Variants in CLIP1 observed in about 807,000 individuals in gnomAD.
The protein encoded by CLIP1 is CAP-Gly domain containing linker protein 1.
Under a neutral mutation model 161.6 loss-of-function variants are expected in CLIP1, and 66 were observed. The observed-to-expected ratio is 0.41, with a 90% CI of 0.33 to 0.50. The LOEUF (loss-of-function observed/expected upper bound fraction) is 0.50. Among genes scored for constraint, CLIP1 ranks in the 20% least tolerant of loss-of-function variants. The pLI, the probability that CLIP1 is intolerant of heterozygous loss-of-function variation, is 0.27. For missense variants in CLIP1, 1,376 were observed against 1,702.0 expected, an observed-to-expected ratio of 0.81 and a Z score of 3.37; for synonymous variants, 598 against 626.2, an observed-to-expected ratio of 0.96 and a Z score of 0.67.
Position 122,408,974 on chromosome 12 carries a change from G to A in CLIP1, c.-107+13547C>T, listed in dbSNP as rs1593265885. Among the ~76,000 whole-genome samples, 3 of 152,056 alleles carry A rather than the reference G, an allele frequency of 2.0e-5. No individual in the cohort carries two copies. The South Asian group carries it at 6.2e-4, about 32-fold the overall frequency. ...TTACAGGTCTGCACAACCATGCCCG[G>A]CTAATCTTTATATTTTTGTAGAGAC... On this transcript the variant is annotated intron_variant, in intron 1 of 25. Coordinates refer to ENST00000620786, the MANE Select transcript of CLIP1 (RefSeq NM_001247997.2).
rs766738091 is a variant in CLIP1 at position 122,309,746 on chromosome 12, G to A, written c.3594+16C>T. 3.7e-6 allele frequency: 6 copies of A among 1,611,594 alleles called. No homozygotes were observed. The highest frequency in any genetic ancestry group is 2.2e-5 in the South Asian group (2 of 90,964). ...CAGCATGGCACAGCTGGAACCCCTC[G>A]CCAAAGGACACTGACCTTTTGATGA... On this transcript the variant is annotated intron_variant, in intron 20 of 25. Transcript: ENST00000620786.
intron 19 of CLIP1, among the ~76,000 whole-genome samples, chr12:122,310,834 T>TC (rs1397218459): frequency 6.6e-6 from 1 of 152,188 alleles, no homozygotes. Flanking sequence ...CATGAACACA[T>TC]CTATTTTTAA....
rs1468049945 is a variant in CLIP1 at position 122,306,090 on chromosome 12, A to G, written c.3594+3672T>C. ...AAAGCAAGCAGAAGAACGTGAAAAG[A>G]CTAGACTGGTTTAGCCTCCCAGCCT... On this transcript the variant is annotated intron_variant, in intron 20 of 25. Coordinates refer to ENST00000620786, the MANE Select transcript of CLIP1 (RefSeq NM_001247997.2). Among the ~76,000 whole-genome samples the G allele has an allele frequency of 2.0e-5, 3 of 150,448 alleles. 1 individual carries two copies. Among genetic ancestry groups the G allele is most frequent in the Non-Finnish European group, 2.9e-5 (2 of 67,804 alleles).
chr12:122,319,142 A>G (rs1305755197), intron 18 of CLIP1, 90 bp downstream of exon 18: 7 of 889,732 alleles, frequency 7.9e-6, no homozygotes, highest in Admixed American at 3.6e-5. Flanking sequence ...CACACACTTC[A>G]AAAACATAAG....
chr12:122,313,856 G>T (rs56241657), intron 19 of CLIP1, among the ~76,000 whole-genome samples: 3 of 151,946 alleles, frequency 2.0e-5, no homozygotes, highest in African/African-American at 7.3e-5. Context: ...AGTAATGACC[G>T]CAACAAAAGA....
intron 20 of CLIP1, among the ~76,000 whole-genome samples, chr12:122,302,614 T>A (rs1950729040): frequency 6.6e-6 from 1 of 152,100 alleles, no homozygotes; most frequent in African/African-American, 2.4e-5. Flanking sequence ...ACACATATAT[T>A]TGAGACAGAA....
At chr12:122,305,665 G>C (rs1456576650) in intron 20 of CLIP1, among the ~76,000 whole-genome samples, 1 of 152,138 alleles carries the variant, frequency 6.6e-6, no homozygotes, top group African/African-American at 2.4e-5. Context: ...ATGTCTGTGA[G>C]GGTGTTGCTA....
intron 1 of CLIP1, among the ~76,000 whole-genome samples, chr12:122,387,777 C>T (rs566915895): frequency 1.7e-4 from 26 of 150,902 alleles, no homozygotes; most frequent in Admixed American, 1.1e-3. Context: ...TGTAGAAGTG[C>T]GGTCTGCTAT....
chr12:122,389,655 A>T (rs886350062), intron 1 of CLIP1, among the ~76,000 whole-genome samples: 1 of 146,306 alleles, frequency 6.8e-6, no homozygotes, highest in Admixed American at 6.9e-5. Context: ...GCTACTTAGG[A>T]GGCTGAGGCA....
At chr12:122,275,646 A>ACACACACACACG (rs1346399400) in intron 24 of CLIP1, 1 of 82,564 alleles carries the variant, frequency 1.2e-5, no homozygotes, top group Admixed American at 1.3e-4. Flanking sequence ...ACACACGCGC[A>ACACACACACACG]CACACACACA....
chr12:122,395,712 T>A (rs986804671), intron 1 of CLIP1: 1 of 152,234 alleles, frequency 6.6e-6, no homozygotes, highest in Non-Finnish European at 1.5e-5. Context: ...ACACCAGTCA[T>A]GTACGCATAT....
At chr12:122,357,980 G>A (rs1953564106) in intron 5 of CLIP1, among the ~76,000 whole-genome samples, 3 of 152,294 alleles carry the variant, frequency 2.0e-5, no homozygotes, top group Admixed American at 2.0e-4. Context: ...GACAATGGCG[G>A]TTTTGTGGAA....
intron 1 of CLIP1, among the ~76,000 whole-genome samples, chr12:122,406,226 T>G (rs1956324487): frequency 6.6e-6 from 1 of 152,100 alleles, no homozygotes; most frequent in African/African-American, 2.4e-5. Context: ...GGGCAGATAG[T>G]TTTGAGCTCA....
chr12:122,289,894 T>C (rs1956030252), intron 20 of CLIP1, among the ~76,000 whole-genome samples: 1 of 151,868 alleles, frequency 6.6e-6, no homozygotes, highest in Non-Finnish European at 1.5e-5. Context: ...CTGCAACCTC[T>C]GCCTCCCAGG....
At chr12:122,301,307 T>C (rs1593014477) in intron 20 of CLIP1, among the ~76,000 whole-genome samples, 2 of 152,200 alleles carry the variant, frequency 1.3e-5, no homozygotes, top group East Asian at 3.8e-4. Flanking sequence ...TAGTAGAATA[T>C]ATGAGCATTA....
At chr12:122,371,056 C>T (rs2136698523) in intron 3 of CLIP1, among the ~76,000 whole-genome samples, 1 of 152,092 alleles carries the variant, frequency 6.6e-6, no homozygotes. Context: ...TTATATGGCA[C>T]CCACTTGACC....
chr12:122,393,166 GTT>G (rs55816714), intron 1 of CLIP1, among the ~76,000 whole-genome samples: 17 of 139,162 alleles, frequency 1.2e-4, no homozygotes, highest in East Asian at 2.1e-4. Flanking sequence ...TGGCAATCTT[GTT>G]TTTTTTTTTT....
Position 122,351,118 on chromosome 12 carries a change from G to T in CLIP1, c.1394C>A (p.Pro465His). ...AGTTAAGTGCCCTCTTACATTCTCAGGATCTTCAGAAATCTGGCTCTTTTG... is the reference window on the plus strand; with the variant it reads ...AGTTAAGTGCCCTCTTACATTCTCATGATCTTCAGAAATCTGGCTCTTTTG... Reference protein sequence around the residue: ...LEQKSQISEDPENTQTKLEHA... With the variant: ...LEQKSQISEDHENTQTKLEHA... Residue 465 changes from proline (P) to histidine (H), a missense_variant, in exon 9 of 26, where the codon CCT (proline) becomes CAT (histidine). Around this residue, in one of 6 missense-constraint regions of CLIP1, gnomAD observed 948 missense variants for 1,134.8 expected, o/e 0.84. Transcript: ENST00000620786. 1 of 1,524,690 alleles carries T rather than the reference G, an allele frequency of 6.6e-7. No homozygotes were observed. The highest frequency in any genetic ancestry group is 8.7e-7 in the Non-Finnish European group (1 of 1,143,184). 94.4% of individuals were successfully genotyped at this position (1,524,690 alleles called of 1,614,324 possible).
At chr12:122,334,974 C>T (rs1262005383) in intron 12 of CLIP1, among the ~76,000 whole-genome samples, 2 of 152,200 alleles carry the variant, frequency 1.3e-5, no homozygotes, top group African/African-American at 4.8e-5. Flanking sequence ...CATGTTCGTA[C>T]TTAGGTAAGT....
Sources: gnomAD v4.1 joint callset for allele counts (sites outside exome capture counted in the v4.1 genomes callset) on GRCh38, gnomAD v4.1.1 for gene constraint, gnomAD v4.1.1 regional missense constraint, MANE v1.5 for transcripts, NCBI Gene and HGNC (gene_info 2026-07-23, HGNC 2026-07-21) for gene names.